The following ARHGEF11 variants were observed in gnomAD, a reference collection of about 807,000 sequenced individuals.
ARHGEF11 encodes Rho guanine exchange factor (GEF) 11.
A neutral mutation model predicts 193.7 loss-of-function variants in ARHGEF11; 55 were observed. That is an observed-to-expected ratio of 0.28 (90% CI 0.23 to 0.36). The LOEUF (loss-of-function observed/expected upper bound fraction) is 0.36. Among genes scored for constraint, ARHGEF11 ranks in the 10% least tolerant of loss-of-function variants. The pLI, the probability that ARHGEF11 is intolerant of heterozygous loss-of-function variation, is 1.00. For missense variants in ARHGEF11, 1,723 were observed against 2,005.6 expected, an observed-to-expected ratio of 0.86 and a Z score of 2.69; for synonymous variants, 693 against 768.0, an observed-to-expected ratio of 0.90 and a Z score of 1.62.
upstream of ARHGEF11, among the ~76,000 whole-genome samples, chr1:157,045,952 C>G (rs1451898133): frequency 4.6e-5 from 7 of 150,676 alleles, no homozygotes. Context: ...CACGCCGCGG[C>G]GGCCGGGGGC....
intron 21 of ARHGEF11, among the ~76,000 whole-genome samples, chr1:156,952,799 A>G (rs1659314891): frequency 6.6e-6 from 1 of 152,258 alleles, no homozygotes; most frequent in African/African-American, 2.4e-5. Flanking sequence ...GAGTAGGGCT[A>G]TTACCATCAC....
chr1:157,044,432 C>T lies in ARHGEF11; in HGVS notation c.-102G>A, dbSNP rs1479839022. The T allele has an allele frequency of 9.3e-7, 1 of 1,070,648 alleles. No individual in the cohort carries two copies. The highest frequency in any genetic ancestry group is 1.7e-5 in the Admixed American group (1 of 57,222). The allele number at this position is 1,070,648 out of a possible 1,614,324, so 66.3% of individuals were successfully genotyped here. On this transcript the variant is annotated 5_prime_UTR_variant, in exon 1 of 41. Coordinates refer to ENST00000368194, the MANE Select transcript of ARHGEF11 (RefSeq NM_198236.3). Reference sequence around the variant, plus strand: ...TGAGCAAGGTGAGAGGAGGGCCTCCCAACTTGAAGATAGAATCCTTTCTCC... The same window carrying T: ...TGAGCAAGGTGAGAGGAGGGCCTCCTAACTTGAAGATAGAATCCTTTCTCC...
intron 17 of ARHGEF11, among the ~76,000 whole-genome samples, chr1:156,958,219 T>G (rs1434405703): frequency 1.3e-5 from 2 of 152,156 alleles, no homozygotes; most frequent in Non-Finnish European, 2.9e-5. Flanking sequence ...GCATCACAGG[T>G]GCCTATGACA....
chr1:156,951,620 T>C lies in ARHGEF11; in HGVS notation c.1878A>G (p.Gln626=), dbSNP rs1659120766. The C allele has an allele frequency of 6.2e-7, 1 of 1,614,200 alleles. No individual in the cohort carries two copies. ...QQYDAPEPGT[Q]RLSTGSFPED... Reference sequence around the variant, plus strand: ...CAGGAAAGCTTCCGGTCGAGAGTCGTTGTGTCCCAGGTTCTGGGGCATCAT... The same window carrying C: ...CAGGAAAGCTTCCGGTCGAGAGTCGCTGTGTCCCAGGTTCTGGGGCATCAT... Residue 626 remains glutamine (Q), a synonymous_variant, in exon 22 of 41, where the codon CAA becomes CAG. Transcript: ENST00000368194.
chr1:156,936,192 C>T lies in ARHGEF11; in HGVS notation c.4631-134G>A, dbSNP rs781406008. ...TTCTCCTCCAGAAACCCCAGTTTCTCGTAGGGCTTGAAAAGGGCTGTCTAC... is the reference window on the plus strand; with the variant it reads ...TTCTCCTCCAGAAACCCCAGTTTCTTGTAGGGCTTGAAAAGGGCTGTCTAC... On this transcript the variant is annotated intron_variant, in intron 40 of 40. Transcript: ENST00000368194. 35 of 962,246 alleles carry T rather than the reference C, an allele frequency of 3.6e-5. No individual in the cohort carries two copies. The Middle Eastern group carries it at 6.2e-4, about 17-fold the overall frequency. 59.6% of individuals were successfully genotyped at this position (962,246 alleles called of 1,614,324 possible). A position where few individuals can be genotyped will look rare whatever the true frequency, so the allele number is the denominator to read the frequency against.
chr1:156,962,738 G>T (rs748620753), intron 13 of ARHGEF11, among the ~76,000 whole-genome samples: 1 of 151,928 alleles, frequency 6.6e-6, no homozygotes, highest in South Asian at 2.1e-4. Flanking sequence ...AATTAGCCGG[G>T]CATGGTGACG....
Position 156,937,376 on chromosome 1 carries a change from G to C in ARHGEF11, c.4313C>G (p.Pro1438Arg). The change falls in exon 39 of 41, where the codon CCT becomes CGT. Residue 1438 changes from proline (P) to arginine (R), a missense_variant. This residue lies in a region of ARHGEF11 where 360 missense variants were observed against 344.4 expected (regional missense o/e 1.05). Transcript: ENST00000368194. Reference protein sequence around the residue: ...SLPAGQTEPQPQLQGGNDDPR... With the variant: ...SLPAGQTEPQRQLQGGNDDPR... Reference sequence around the variant, plus strand: ...ATCATCGTTGCCTCCCTGCAGCTGAGGCTGAGGCTCTGTCTGCCCTGCAGG... The same window carrying C: ...ATCATCGTTGCCTCCCTGCAGCTGACGCTGAGGCTCTGTCTGCCCTGCAGG... 1 of 1,609,680 alleles carries C rather than the reference G, an allele frequency of 6.2e-7. No individual in the cohort carries two copies. Among genetic ancestry groups the C allele is most frequent in the Non-Finnish European group, 8.5e-7 (1 of 1,177,942 alleles).
At chr1:156,943,278 C>T (rs1212319747) in intron 32 of ARHGEF11, among the ~76,000 whole-genome samples, 1 of 152,156 alleles carries the variant, frequency 6.6e-6, no homozygotes, top group Non-Finnish European at 1.5e-5. Flanking sequence ...CCAGGCTGGT[C>T]TTGAACTCCT....
intron 17 of ARHGEF11, among the ~76,000 whole-genome samples, chr1:156,958,455 CAGG>C (rs1229171978): frequency 6.6e-6 from 1 of 152,096 alleles, no homozygotes; most frequent in Non-Finnish European, 1.5e-5. Context: ...GGAGAGAGGT[CAGG>C]AGGAGGGCCA....
At chr1:156,991,291 T>C (rs2102545660) in intron 1 of ARHGEF11, among the ~76,000 whole-genome samples, 1 of 152,300 alleles carries the variant, frequency 6.6e-6, no homozygotes, top group East Asian at 1.9e-4. Context: ...GTGTGAAAAT[T>C]TCTGGGTTAA....
intron 22 of ARHGEF11, chr1:156,949,243 G>C: frequency 3.0e-6 from 1 of 338,670 alleles, no homozygotes; most frequent in Non-Finnish European, 4.2e-6. Flanking sequence ...AGTGTCTCTG[G>C]GGTTTGATGA....
chr1:156,983,529 G>A lies in ARHGEF11; in HGVS notation c.223+810C>T, dbSNP rs565600307. Among the ~76,000 whole-genome samples the A allele has an allele frequency of 1.1e-4, 17 of 152,222 alleles. No individual in the cohort carries two copies. The South Asian group carries it at 1.9e-3, about 17-fold the overall frequency. On this transcript the variant is annotated intron_variant, in intron 3 of 40. Transcript: ENST00000368194. Reference sequence around the variant, plus strand: ...GAGCCACCACAGCTGGCCACCCATCGCCTTTTTGATTGTCTTCCTCAGCCT... The same window carrying A: ...GAGCCACCACAGCTGGCCACCCATCACCTTTTTGATTGTCTTCCTCAGCCT...
In ARHGEF11 at chr1:156,978,367, G is replaced by A. The variant is rs1333613724; in HGVS notation, c.347C>T (p.Ala116Val). Residue 116 changes from alanine (A) to valine (V), a missense_variant, in exon 6 of 41, where the codon GCA becomes GTA. Physicochemically the swap from Ala to Val is moderately conservative, Grantham distance 64. Transcript: ENST00000368194. ...AGGTGAAGAGCCCAGGAGGGTGAGT[G>A]CGACATAGGCGCCAGCTAGAGGGAA... ...VKLIKSGAYVALTLLGSSPSS... is the reference protein window; with the variant it reads ...VKLIKSGAYVVLTLLGSSPSS... 1 of 1,602,106 alleles carries A rather than the reference G, an allele frequency of 6.2e-7. No individual in the cohort carries two copies. The highest frequency in any genetic ancestry group is 8.5e-7 in the Non-Finnish European group (1 of 1,174,068).
chr1:156,959,932 TCCC>T lies in ARHGEF11; in HGVS notation c.1282+483_1282+485del, dbSNP rs372767382. ...TTATAAAAACAAAAATAACCCCCCC[TCCC>T]CCCCCCCCAAAAAAAACAATAAGAA... On this transcript the variant is annotated intron_variant, in intron 15 of 40. Coordinates refer to ENST00000368194, the MANE Select transcript of ARHGEF11 (RefSeq NM_198236.3). 4.4e-4 allele frequency among the ~76,000 whole-genome samples: 31 copies of T among 71,172 alleles called. No individual in the cohort carries two copies. In the South Asian group the frequency reaches 4.5e-3, roughly 10 times the overall value. 46.7% of individuals were successfully genotyped at this position (71,172 alleles called of 152,430 possible).
At chr1:156,950,625 G>GA (rs1557844758) in intron 22 of ARHGEF11, among the ~76,000 whole-genome samples, 2 of 152,002 alleles carry the variant, frequency 1.3e-5, no homozygotes, top group Admixed American at 1.3e-4. Context: ...GGGTGACAGA[G>GA]AAAGATCCTG....
intron 20 of ARHGEF11, among the ~76,000 whole-genome samples, chr1:156,955,280 C>T (rs1032317418): frequency 2.7e-5 from 4 of 147,414 alleles, no homozygotes; most frequent in African/African-American, 1.0e-4. Context: ...AACTTGCCCC[C>T]AACCTGACTA....
chr1:156,996,521 C>T (rs1479356097), intron 1 of ARHGEF11, among the ~76,000 whole-genome samples: 2 of 151,924 alleles, frequency 1.3e-5, no homozygotes, highest in African/African-American at 4.8e-5. Flanking sequence ...AGGAGTGTAA[C>T]AAGAGATAAA....
At chr1:157,035,576 T>C (rs942173829) in intron 1 of ARHGEF11, among the ~76,000 whole-genome samples, 1 of 151,830 alleles carries the variant, frequency 6.6e-6, no homozygotes, top group African/African-American at 2.4e-5. Context: ...CGGCTAATTT[T>C]GTATTTTTAG....
At chr1:156,991,494 A>AT (rs1665691248) in intron 1 of ARHGEF11, among the ~76,000 whole-genome samples, 1 of 150,202 alleles carries the variant, frequency 6.7e-6, no homozygotes, top group Non-Finnish European at 1.5e-5. Flanking sequence ...TAATTTTCGT[A>AT]TTTTTTATAG....
Sources: gnomAD v4.1 joint callset for allele counts (sites outside exome capture counted in the v4.1 genomes callset) on GRCh38, gnomAD v4.1.1 for gene constraint, gnomAD v4.1.1 regional missense constraint, MANE v1.5 for transcripts, NCBI Gene and HGNC (gene_info 2026-07-23, HGNC 2026-07-21) for gene names.